GRIK2: variants seen among roughly 807,000 people sequenced by gnomAD.
GRIK2 encodes glutamate receptor ionotropic, kainate 2.
Under a neutral mutation model 100.3 loss-of-function variants are expected in GRIK2, and 32 were observed. The observed-to-expected ratio is 0.32, with a 90% CI of 0.24 to 0.43. GRIK2 has a LOEUF of 0.43. GRIK2 is among the 20% of genes least tolerant of loss of function. The pLI, the probability that GRIK2 is intolerant of heterozygous loss-of-function variation, is 1.00. For synonymous variants in GRIK2, 417 were observed against 389.4 expected (o/e 1.07, Z -0.83); for missense variants, 843 against 1,114.9 (o/e 0.76, Z 3.47).
rs556622805 is a variant in GRIK2 at position 101,460,127 on chromosome 6, T to C, written c.115+60735T>C. 2.0e-5 allele frequency among the ~76,000 whole-genome samples: 3 copies of C among 152,260 alleles called. No individual in the cohort carries two copies. The South Asian group carries it at 6.2e-4, about 32-fold the overall frequency. On this transcript the variant is annotated intron_variant, in intron 2 of 16. Transcript: ENST00000369134. ...TTCTCCTGTTACTCCCTTTTTTCTC[T>C]CCCCAGTGTCTAGTTGTGCCACGAC...
intron 14 of GRIK2, among the ~76,000 whole-genome samples, chr6:101,990,839 AT>A (rs144422706): frequency 5.3e-5 from 8 of 151,178 alleles, no homozygotes; most frequent in Non-Finnish European, 8.9e-5. Flanking sequence ...TAATTTCTTA[AT>A]TTTTTTGACC....
intron 2 of GRIK2, among the ~76,000 whole-genome samples, chr6:101,507,826 AT>A (rs1406404157): frequency 6.6e-6 from 1 of 152,214 alleles, no homozygotes. Context: ...CAAGGGGCTG[AT>A]GTTGGGGAGA....
chr6:102,034,996 G>C (rs1455941237), intron 14 of GRIK2, among the ~76,000 whole-genome samples: 1 of 151,224 alleles, frequency 6.6e-6, no homozygotes, highest in Admixed American at 6.6e-5. Flanking sequence ...AAATACTCAG[G>C]TAAGAGACAA....
intron 15 of GRIK2, among the ~76,000 whole-genome samples, chr6:102,053,053 G>A (rs1046417986): frequency 1.6e-4 from 25 of 151,622 alleles, no homozygotes; most frequent in African/African-American, 5.8e-4. Context: ...GGGTGAAAGA[G>A]CGAGACTCTG....
intron 2 of GRIK2, among the ~76,000 whole-genome samples, chr6:101,551,888 T>C (rs891228518): frequency 1.3e-5 from 2 of 152,224 alleles, no homozygotes; most frequent in Admixed American, 6.5e-5. Context: ...TCTTGCTTCC[T>C]GATATGGTGG....
At chr6:101,753,955 A>G (rs1417635101) in intron 7 of GRIK2, among the ~76,000 whole-genome samples, 3 of 152,068 alleles carry the variant, frequency 2.0e-5, no homozygotes, top group Non-Finnish European at 2.9e-5. Flanking sequence ...ATGTTTTTGA[A>G]TTAATTGAAG....
chr6:101,458,517 G>A (rs1771127342), intron 2 of GRIK2, among the ~76,000 whole-genome samples: 1 of 152,192 alleles, frequency 6.6e-6, no homozygotes, highest in Non-Finnish European at 1.5e-5. Context: ...AGCCTCCAAT[G>A]GTGCACTGAT....
intron 7 of GRIK2, among the ~76,000 whole-genome samples, chr6:101,760,693 A>ATTATATATTTAATTATATT (rs1777573479): frequency 1.4e-5 from 1 of 71,984 alleles, no homozygotes; most frequent in East Asian, 2.5e-3. Context: ...ATTATATATA[A>ATTATATATTTAATTATATT]TTATATATAA....
intron 7 of GRIK2, among the ~76,000 whole-genome samples, chr6:101,794,511 C>T (rs1379255684): frequency 2.6e-5 from 4 of 151,658 alleles, no homozygotes; most frequent in African/African-American, 7.3e-5. Context: ...CGTTTGTTCC[C>T]TTCTTTCTCT....
intron 7 of GRIK2, among the ~76,000 whole-genome samples, chr6:101,758,777 CATT>C (rs1215941223): frequency 6.6e-6 from 1 of 152,112 alleles, no homozygotes; most frequent in Non-Finnish European, 1.5e-5. Flanking sequence ...CTGGGGGAAT[CATT>C]CTTTTTTTGA....
intron 10 of GRIK2, among the ~76,000 whole-genome samples, chr6:101,823,299 T>C (rs1050949785): frequency 2.6e-5 from 4 of 152,204 alleles, no homozygotes; most frequent in Non-Finnish European, 4.4e-5. Flanking sequence ...ACGGGTACAG[T>C]ACATAGTTGT....
At chr6:101,895,711 C>T (rs900638627) in intron 12 of GRIK2, among the ~76,000 whole-genome samples, 10 of 151,150 alleles carry the variant, frequency 6.6e-5, no homozygotes, top group African/African-American at 2.4e-4. Context: ...CAGCTTTTTA[C>T]CAAAAAAAAC....
At chr6:101,561,948 TG>T (rs765075556) in intron 2 of GRIK2, among the ~76,000 whole-genome samples, 14 of 152,130 alleles carry the variant, frequency 9.2e-5, no homozygotes, top group African/African-American at 3.4e-4. Context: ...AAAAAATATG[TG>T]GGGGTCATCC....
chr6:101,531,422 A>C (rs539994041), intron 2 of GRIK2, among the ~76,000 whole-genome samples: 2 of 152,134 alleles, frequency 1.3e-5, no homozygotes, highest in East Asian at 3.9e-4. Flanking sequence ...TGAATAAATG[A>C]AAAAGAAAAG....
At chr6:101,449,980 A>T (rs945192710) in intron 2 of GRIK2, among the ~76,000 whole-genome samples, 2 of 151,624 alleles carry the variant, frequency 1.3e-5, no homozygotes, top group African/African-American at 2.4e-5. Flanking sequence ...GAACATCATG[A>T]CTTGTTCACT....
At chr6:101,617,952 ATGTG>A (rs142418025) in intron 2 of GRIK2, among the ~76,000 whole-genome samples, 2 of 151,216 alleles carry the variant, frequency 1.3e-5, no homozygotes. Flanking sequence ...GTGTATATAT[ATGTG>A]TGTGTGTGTT....
At chr6:101,752,161 A>G (rs983266081) in intron 7 of GRIK2, among the ~76,000 whole-genome samples, 7 of 152,176 alleles carry the variant, frequency 4.6e-5, no homozygotes, top group African/African-American at 1.7e-4. Context: ...ATCATTACAA[A>G]CTATAAATAA....
intron 4 of GRIK2, among the ~76,000 whole-genome samples, chr6:101,642,178 G>A (rs971255925): frequency 6.6e-6 from 1 of 151,686 alleles, no homozygotes; most frequent in Non-Finnish European, 1.5e-5. Flanking sequence ...TTAAACATTT[G>A]TAGTTTTCTT....
intron 14 of GRIK2, among the ~76,000 whole-genome samples, chr6:101,997,110 T>C (rs1794691911): frequency 6.6e-6 from 1 of 152,136 alleles, no homozygotes; most frequent in Non-Finnish European, 1.5e-5. Flanking sequence ...AGTAGAATTC[T>C]AAGAAAAAAA....
Sources: gnomAD v4.1 joint callset for allele counts (sites outside exome capture counted in the v4.1 genomes callset) on GRCh38, gnomAD v4.1.1 for gene constraint, MANE v1.5 for transcripts, NCBI Gene and HGNC (gene_info 2026-07-23, HGNC 2026-07-21) for gene names.